Variants in COL4A1 observed in about 807,000 individuals in gnomAD.
The protein encoded by COL4A1 is collagen type IV alpha 1 chain.
COL4A1 carries 40 observed loss-of-function variants against 216.6 expected under a neutral mutation model. That is an observed-to-expected ratio of 0.18 (90% CI 0.14 to 0.24). COL4A1 has a LOEUF of 0.24. COL4A1 is among the 10% of genes least tolerant of loss of function. The pLI, the probability that COL4A1 is intolerant of heterozygous loss-of-function variation, is 1.00. For synonymous variants in COL4A1, 839 were observed against 810.7 expected, an observed-to-expected ratio of 1.03 and a Z score of -0.59; for missense variants, 1,628 against 2,196.8, an observed-to-expected ratio of 0.74 and a Z score of 5.18.
At chr13:110,295,258 CTTT>C (rs67516756) in intron 1 of COL4A1, among the ~76,000 whole-genome samples, 6 of 135,574 alleles carry the variant, frequency 4.4e-5, no homozygotes, top group African/African-American at 1.1e-4. Flanking sequence ...TTCTTTCTTT[CTTT>C]TTTTTTTTTT....
chr13:110,227,011 T>C (rs1469392331), intron 2 of COL4A1, among the ~76,000 whole-genome samples: 1 of 152,216 alleles, frequency 6.6e-6, no homozygotes, highest in African/African-American at 2.4e-5. Flanking sequence ...AAGCCTGTTT[T>C]CAAAAGATAA....
chr13:110,158,795 T>A (rs145333756), intron 49 of COL4A1, among the ~76,000 whole-genome samples: 12,095 of 145,064 alleles, frequency 0.083, 1,536 homozygotes, highest in African/African-American at 0.28. Flanking sequence ...TAGGCTGGAG[T>A]GCAATGGTGC....
rs1202194189 is a variant in COL4A1 at position 110,161,960 on chromosome 13, C to T, written c.4462+270G>A. 4 of 514,472 alleles carry T rather than the reference C, an allele frequency of 7.8e-6. No homozygotes were observed. In the Admixed American group the frequency reaches 1.3e-4, roughly 17 times the overall value. The allele number at this position is 514,472 out of a possible 1,614,324, so 31.9% of individuals were successfully genotyped here. A position where few individuals can be genotyped will look rare whatever the true frequency, so the allele number is the denominator to read the frequency against. On this transcript the variant is annotated intron_variant, in intron 48 of 51. Coordinates refer to ENST00000375820, the MANE Select transcript of COL4A1 (RefSeq NM_001845.6). Reference sequence around the variant, plus strand: ...CTACTTGATAATTTGAAGATGAGATCTAAAGTTTTATTAATTTAAAGATTT... The same window carrying T: ...CTACTTGATAATTTGAAGATGAGATTTAAAGTTTTATTAATTTAAAGATTT...
intron 22 of COL4A1, among the ~76,000 whole-genome samples, chr13:110,194,174 C>T (rs511426): frequency 0.97 from 147,774 of 152,322 alleles, 71,816 homozygotes; most frequent in Middle Eastern, 1. Flanking sequence ...CCTGTGATGA[C>T]GCCCAAGATC....
At chr13:110,236,033 C>T (rs888866622) in intron 2 of COL4A1, among the ~76,000 whole-genome samples, 1 of 152,096 alleles carries the variant, frequency 6.6e-6, no homozygotes, top group Admixed American at 6.6e-5. Context: ...TATGAAAATA[C>T]CCTAAATTTA....
At chr13:110,229,672 C>T (rs187294808) in intron 2 of COL4A1, among the ~76,000 whole-genome samples, 23 of 152,260 alleles carry the variant, frequency 1.5e-4, no homozygotes, top group African/African-American at 5.1e-4. Flanking sequence ...CCAGAGAGAG[C>T]CCCCGCCCTC....
rs779110621 is a variant in COL4A1, at chr13:110,169,776, A to C, written c.3743-14T>G. The C allele has an allele frequency of 6.2e-6, 10 of 1,613,854 alleles. No individual in the cohort carries two copies. Among genetic ancestry groups the C allele is most frequent in the Non-Finnish European group, 8.5e-6 (10 of 1,179,982 alleles). On this transcript the variant is annotated splice_polypyrimidine_tract_variant and intron_variant, in intron 42 of 51. Coordinates refer to ENST00000375820, the MANE Select transcript of COL4A1 (RefSeq NM_001845.6). ...GTCCCGGAAGTCCTAATGGAAGAGA[A>C]GAAAGCCACACATTTGGGGTTAAAT... is the stretch of plus-strand genomic sequence containing the variant.
Position 110,192,284 on chromosome 13 carries a change from C to A in COL4A1, c.1466G>T (p.Gly489Val). ...CTTGGCCCCTGGCTGCCCTGGGAAA[C>A]CTTTCGTGAGAGAGAGGGAAAAAGA... The part of the protein sequence containing the change: ...PGPQGPPGEI[G>V]FPGQPGAKGD... Residue 489 changes from glycine to valine, a missense_variant and splice_region_variant, in exon 24 of 52, where the codon GGT (glycine) becomes GTT (valine). Physicochemically the swap from Gly to Val is moderately radical, Grantham distance 109 (BLOSUM62 -3). Around this residue, in one of 8 missense-constraint regions of COL4A1, gnomAD observed 701 missense variants for 892.5 expected, o/e 0.79. Transcript: ENST00000375820. 1 of 1,614,142 alleles carries A rather than the reference C, an allele frequency of 6.2e-7. No individual in the cohort carries two copies. The highest frequency in any genetic ancestry group is 8.5e-7 in the Non-Finnish European group (1 of 1,180,010).
At chr13:110,259,510 C>T (rs1882730986) in intron 1 of COL4A1, among the ~76,000 whole-genome samples, 1 of 152,184 alleles carries the variant, frequency 6.6e-6, no homozygotes, top group Non-Finnish European at 1.5e-5. Flanking sequence ...GTCCATCTTT[C>T]CTCTTCTGTT....
At chr13:110,243,159 G>T (rs1881638611) in intron 1 of COL4A1, among the ~76,000 whole-genome samples, 1 of 151,316 alleles carries the variant, frequency 6.6e-6, no homozygotes, top group Admixed American at 6.6e-5. Flanking sequence ...CCAATGACGT[G>T]GTCTCAAGGA....
Position 110,166,374 on chromosome 13 carries a change from C to T in COL4A1, c.3950-71G>A, listed in dbSNP as rs139322033. Reference sequence around the variant, plus strand: ...TATACAAATATGTGTGTGTATATATCTCTCTCTAGTGCACACACATACATG... The same window carrying T: ...TATACAAATATGTGTGTGTATATATTTCTCTCTAGTGCACACACATACATG... On this transcript the variant is annotated intron_variant, in intron 44 of 51. Coordinates refer to ENST00000375820, the MANE Select transcript of COL4A1 (RefSeq NM_001845.6). 16 of 953,132 alleles carry T rather than the reference C, an allele frequency of 1.7e-5. No homozygotes were observed. The Admixed American group carries it at 2.2e-4, about 13-fold the overall frequency. The allele number at this position is 953,132 out of a possible 1,614,324, so 59.0% of individuals were successfully genotyped here.
chr13:110,237,264 T>C (rs1313932846), intron 2 of COL4A1, among the ~76,000 whole-genome samples: 1 of 152,076 alleles, frequency 6.6e-6, no homozygotes, highest in Non-Finnish European at 1.5e-5. Flanking sequence ...GGTCTGCTTA[T>C]CTGAAGGAGT....
intron 45 of COL4A1, 24 bp from the exon 46 acceptor site, chr13:110,165,014 A>C (rs772095251): frequency 1.6e-5 from 25 of 1,598,458 alleles, no homozygotes; most frequent in Non-Finnish European, 2.0e-5. Flanking sequence ...GAAGGCATTG[A>C]TCAATTTCAC....
Position 110,211,780 on chromosome 13 carries a change from A to T in COL4A1, c.441+89T>A, listed in dbSNP as rs1333927204. 2.7e-6 allele frequency: 4 copies of T among 1,503,186 alleles called. No homozygotes were observed. Among genetic ancestry groups the T allele is most frequent in the Non-Finnish European group, 3.7e-6 (4 of 1,090,892 alleles). The allele number at this position is 1,503,186 out of a possible 1,614,324, so 93.1% of individuals were successfully genotyped here. A position where few individuals can be genotyped will look rare whatever the true frequency, so the allele number is the denominator to read the frequency against. On this transcript the variant is annotated intron_variant, in intron 7 of 51. Transcript: ENST00000375820. This position sits in a 1 kb window ranked among gnomAD's most constrained non-coding sequence, Gnocchi z 4.3. ...ATAAAATATAAGTTATTAAAACATAAGCAAAGAAAGAAAGAAAAGGAAATG... is the reference window on the plus strand; with the variant it reads ...ATAAAATATAAGTTATTAAAACATATGCAAAGAAAGAAAGAAAAGGAAATG...
At chr13:110,192,416 T>A in intron 23 of COL4A1, 132 bp from the exon 24 acceptor site, 2 of 889,040 alleles carry the variant, frequency 2.2e-6, no homozygotes, top group Non-Finnish European at 3.6e-6. Flanking sequence ...CCAAAGAGAG[T>A]AATAACTAAA....
chr13:110,213,993 A>G lies in COL4A1; in HGVS notation c.167T>C (p.Leu56Ser). The change falls in exon 3 of 52, where the codon TTA (leucine) becomes TCA (serine). Residue 56 changes from leucine to serine, a missense_variant. Transcript: ENST00000375820. ...TCCAGGAAACCCAATGACACCTTGT[A>G]ACCCCGGGAGGCCTCTTTCACCCTA... ...GQKGERGLPG[L>S]QGVIGFPGMQ... 6.2e-7 allele frequency: 1 copy of G among 1,614,054 alleles called. No individual in the cohort carries two copies. The highest frequency in any genetic ancestry group is 1.1e-5 in the South Asian group (1 of 91,076).
Position 110,208,840 on chromosome 13 carries a change from T to C in COL4A1, c.693+9A>G, listed in dbSNP as rs1237899325. The C allele has an allele frequency of 9.3e-6, 15 of 1,614,172 alleles. No individual in the cohort carries two copies. The highest frequency in any genetic ancestry group is 1.2e-5 in the Non-Finnish European group (14 of 1,179,986). ...AACATGAAAGCACTCCAGAGCAATA[T>C]GCACTCACCTTGTCACCTTTTGGTC... is the stretch of plus-strand genomic sequence containing the variant. On this transcript the variant is annotated intron_variant, in intron 12 of 51. Transcript: ENST00000375820.
chr13:110,247,046 G>A (rs1462495694), intron 1 of COL4A1, among the ~76,000 whole-genome samples: 4 of 152,168 alleles, frequency 2.6e-5, no homozygotes, highest in Non-Finnish European at 5.9e-5. Context: ...CCAGACCAAT[G>A]TGGAAAAAGA....
Position 110,169,831 on chromosome 13 carries a change from A to C in COL4A1, c.3743-69T>G, listed in dbSNP as rs530178708. 2.7e-5 allele frequency: 42 copies of C among 1,563,634 alleles called. No individual in the cohort carries two copies. In the African/African-American group the frequency reaches 5.6e-4, roughly 21 times the overall value. On this transcript the variant is annotated intron_variant, in intron 42 of 51. Transcript: ENST00000375820. The stretch of plus-strand genomic sequence containing the variant: ...ACAAGTGTCCCTGGGCTGTGGGGCT[A>C]TCAATACTGCCACCCACGGCCCCTC...
Sources: allele counts gnomAD v4.1 joint callset (sites outside exome capture counted in the v4.1 genomes callset), GRCh38; gene constraint gnomAD v4.1.1; regional missense constraint gnomAD v4.1.1; non-coding constraint Gnocchi (gnomAD v3.1); transcripts MANE v1.5; gene names NCBI Gene and HGNC (gene_info 2026-07-23, HGNC 2026-07-21).